Variants in NRDE2 observed in about 807,000 individuals in gnomAD.
NRDE2 encodes the protein NRDE-2, necessary for RNA interference, domain containing.
A neutral mutation model predicts 124.2 loss-of-function variants in NRDE2; 76 were observed. The observed-to-expected ratio is 0.61, with a 90% CI of 0.51 to 0.74. The LOEUF (loss-of-function observed/expected upper bound fraction) is 0.74. Ranked by LOEUF, NRDE2 falls within the 30% of genes least tolerant of loss-of-function variation. NRDE2 has a pLI of 0.00. For missense variants in NRDE2, 1,314 were observed against 1,417.3 expected (o/e 0.93, Z 1.17); for synonymous variants, 489 against 528.1 (o/e 0.93, Z 1.01).
chr14:90,293,002 AG>A lies in NRDE2; in HGVS notation c.1667-131del, dbSNP rs1240272407. 4.2e-5 allele frequency: 33 copies of A among 782,462 alleles called. No homozygotes were observed. The African/African-American group carries it at 4.8e-4, about 11-fold the overall frequency. The allele number at this position is 782,462 out of a possible 1,614,324, so 48.5% of individuals were successfully genotyped here. A position where few individuals can be genotyped will look rare whatever the true frequency, so the allele number is the denominator to read the frequency against. The stretch of plus-strand genomic sequence containing the variant: ...TGTGTAAGAGCCATGCCAGTCTCCC[AG>A]GATACTCAGTGGCATTTAGGAACTC... On this transcript the variant is annotated intron_variant, in intron 8 of 13. Transcript: ENST00000354366.
In NRDE2 at chr14:90,290,581, A is replaced by C; in HGVS notation, c.1869T>G (p.Ser623=). 1 of 1,611,718 alleles carries C rather than the reference A, an allele frequency of 6.2e-7. No homozygotes were observed. The highest frequency in any genetic ancestry group is 8.5e-7 in the Non-Finnish European group (1 of 1,178,748). The change falls in exon 10 of 14, where the codon TCT becomes TCG. Residue 623 remains serine, a synonymous_variant. Coordinates refer to ENST00000354366, the MANE Select transcript of NRDE2 (RefSeq NM_017970.4). ...RQVLFDDIGQ[S]LIRLSSHDLQ... ...GATCATGGCTGGAAAGTCTGATCAAAGATTGCCCAATATCATCAAACAACA... is the reference window on the plus strand; with the variant it reads ...GATCATGGCTGGAAAGTCTGATCAACGATTGCCCAATATCATCAAACAACA...
intron 3 of NRDE2, among the ~76,000 whole-genome samples, chr14:90,314,987 G>A (rs1884985647): frequency 6.6e-6 from 1 of 151,638 alleles, no homozygotes; most frequent in South Asian, 2.1e-4. Context: ...GACCAGCCTG[G>A]CCAACATGGA....
At chr14:90,314,951 C>T (rs1356240348) in intron 3 of NRDE2, among the ~76,000 whole-genome samples, 1 of 151,702 alleles carries the variant, frequency 6.6e-6, no homozygotes, top group African/African-American at 2.4e-5. Flanking sequence ...GGGTGGATTA[C>T]CTGAGGTCAG....
Position 90,307,768 on chromosome 14 carries a change from G to C in NRDE2, c.558-3386C>G, listed in dbSNP as rs149867497. Reference sequence around the variant, plus strand: ...GCACCCAACTACAGAAAAATTTGTAGGGTTTCCCTCTGTTACCCAGGATGC... The same window carrying C: ...GCACCCAACTACAGAAAAATTTGTACGGTTTCCCTCTGTTACCCAGGATGC... On this transcript the variant is annotated intron_variant, in intron 4 of 13. Transcript: ENST00000354366. Among the ~76,000 whole-genome samples, 705 of 152,302 alleles carry C rather than the reference G, an allele frequency of 4.6e-3. 3 individuals carry two copies. The highest frequency in any genetic ancestry group is 5.8e-3 in the Admixed American group (88 of 15,300).
intron 11 of NRDE2, 108 bp downstream of exon 11, chr14:90,288,109 C>T (rs1566684684): frequency 5.9e-6 from 6 of 1,011,456 alleles, no homozygotes; most frequent in Admixed American, 2.4e-5. Flanking sequence ...GTTCTGGGCA[C>T]CGTGCCATGT....
rs922694442 is a variant in NRDE2 at position 90,272,961 on chromosome 14, G to A, written c.*5375C>T. The A allele has an allele frequency of 1.3e-5, 2 of 152,198 alleles. No individual in the cohort carries two copies. The highest frequency in any genetic ancestry group is 6.5e-5 in the Admixed American group (1 of 15,286). The allele number at this position is 152,198 out of a possible 1,614,324, so 9.4% of individuals were successfully genotyped here. ...CTCTGAGGGCAGAAAATAACTACTG[G>A]TGTTCCCAAGAGACTGAGGATTCCT... On this transcript the variant is annotated 3_prime_UTR_variant, in exon 14 of 14. Transcript: ENST00000354366. The surrounding 1 kb of genome is among the most constrained non-coding windows in gnomAD (Gnocchi z 4.5).
In NRDE2 at chr14:90,298,306, C is replaced by G. The variant is rs75672471; in HGVS notation, c.1620G>C (p.Ala540=). 2,237 of 1,613,710 alleles carry G rather than the reference C, an allele frequency of 1.4e-3. 39 individuals carry two copies. The African/African-American group carries it at 0.027, about 19-fold the overall frequency. ...AGEKGARGWK[A]WMHQQERGGW... ...CACCTCGTTCCTGCTGGTGCATCCA[C>G]GCCTTCCAGCCTCGGGCTCCCTTCT... Residue 540 remains alanine (A), a synonymous_variant, in exon 8 of 14, where the codon GCG becomes GCC. Transcript: ENST00000354366.
At chr14:90,322,431 C>T (rs1400940646) in intron 1 of NRDE2, among the ~76,000 whole-genome samples, 3 of 152,072 alleles carry the variant, frequency 2.0e-5, no homozygotes, top group Non-Finnish European at 4.4e-5. Flanking sequence ...AGCAAATGGA[C>T]TCAATAAATA....
intron 1 of NRDE2, among the ~76,000 whole-genome samples, chr14:90,326,487 C>T (rs1450086098): frequency 1.6e-5 from 2 of 127,538 alleles, no homozygotes; most frequent in Admixed American, 9.8e-5. Context: ...GGCGACAGAG[C>T]GAGACTCTGT....
Position 90,270,017 on chromosome 14 carries a change from T to C in NRDE2, c.*8319A>G. 1.6e-6 allele frequency: 1 copy of C among 616,318 alleles called. No homozygotes were observed. The highest frequency in any genetic ancestry group is 2.7e-6 in the Non-Finnish European group (1 of 369,028). 38.2% of individuals were successfully genotyped at this position (616,318 alleles called of 1,614,324 possible). A position where few individuals can be genotyped will look rare whatever the true frequency, so the allele number is the denominator to read the frequency against. The stretch of plus-strand genomic sequence containing the variant: ...AGAGTTTCTTTTAAATGAAGAGAAT[T>C]CAAATGTAGAAATCTACAAACTACA... On this transcript the variant is annotated 3_prime_UTR_variant, in exon 14 of 14. Transcript: ENST00000354366.
intron 10 of NRDE2, among the ~76,000 whole-genome samples, chr14:90,289,865 G>C (rs1053463552): frequency 6.6e-6 from 1 of 152,222 alleles, no homozygotes; most frequent in Non-Finnish European, 1.5e-5. Flanking sequence ...TGGGATTACA[G>C]GCGTGAGCCA....
chr14:90,301,395 G>T, intron 6 of NRDE2, 23 bp from the exon 7 acceptor site: 1 of 1,612,684 alleles, frequency 6.2e-7, no homozygotes, highest in Non-Finnish European at 8.5e-7. Context: ...GGGCAAAGGG[G>T]AAGAAGCCTG....
chr14:90,304,471 A>C (rs1884529922), intron 4 of NRDE2, 89 bp from the exon 5 acceptor site: 2 of 962,074 alleles, frequency 2.1e-6, no homozygotes, highest in Non-Finnish European at 3.0e-6. Context: ...AACTCTCGTT[A>C]TGCAGGTTCA....
rs762715068 is a variant in NRDE2 at position 90,269,619 on chromosome 14, G to C, written c.*8717C>G. 5 of 1,522,460 alleles carry C rather than the reference G, an allele frequency of 3.3e-6. No homozygotes were observed. Among genetic ancestry groups the C allele is most frequent in the Non-Finnish European group, 4.5e-6 (5 of 1,120,380 alleles). The allele number at this position is 1,522,460 out of a possible 1,614,324, so 94.3% of individuals were successfully genotyped here. Reference sequence around the variant, plus strand: ...ATTTGTGTTTAAGTGTGCTTTGGGAGGCCTATAAAATGATACATAAAAAAG... The same window carrying C: ...ATTTGTGTTTAAGTGTGCTTTGGGACGCCTATAAAATGATACATAAAAAAG... On this transcript the variant is annotated 3_prime_UTR_variant, in exon 14 of 14. Transcript: ENST00000354366.
At chr14:90,286,975 A>G (rs1352104775) in intron 11 of NRDE2, among the ~76,000 whole-genome samples, 1 of 130,508 alleles carries the variant, frequency 7.7e-6, no homozygotes, top group Non-Finnish European at 1.6e-5. Context: ...CGGAGGTTGC[A>G]GTGAGCTGAG....
chr14:90,292,923 G>A (rs747790768), intron 8 of NRDE2, 51 bp from the exon 9 acceptor site: 5 of 1,546,850 alleles, frequency 3.2e-6, no homozygotes, highest in Admixed American at 1.7e-5. Context: ...AACCACCATC[G>A]CCACTCAATC....
intron 7 of NRDE2, among the ~76,000 whole-genome samples, chr14:90,299,536 C>T (rs55664487): frequency 0.29 from 44,496 of 152,084 alleles, 6,543 homozygotes; most frequent in South Asian, 0.34. Context: ...CAATAACCTA[C>T]TCAGTGAAAG....
intron 11 of NRDE2, 61 bp downstream of exon 11, chr14:90,288,156 C>T: frequency 1.1e-5 from 17 of 1,498,464 alleles, no homozygotes; most frequent in Non-Finnish European, 1.5e-5. Context: ...AAGGTCAGGG[C>T]AACACAGCAA....
In NRDE2 at chr14:90,269,888, G is replaced by T. The variant is rs1381183286; in HGVS notation, c.*8448C>A. The T allele has an allele frequency of 5.3e-6, 2 of 376,042 alleles. No individual in the cohort carries two copies. Among genetic ancestry groups the T allele is most frequent in the African/African-American group, 4.1e-5 (2 of 48,290 alleles). 23.3% of individuals were successfully genotyped at this position (376,042 alleles called of 1,614,324 possible). On this transcript the variant is annotated 3_prime_UTR_variant, in exon 14 of 14. Transcript: ENST00000354366. ...CATTCAGGTAGCATCAGAAGAAACA[G>T]TGATTTGTTTGCTGTCTTTTGTAAT... is the stretch of plus-strand genomic sequence containing the variant.
Sources: allele counts gnomAD v4.1 joint callset (sites outside exome capture counted in the v4.1 genomes callset), GRCh38; gene constraint gnomAD v4.1.1; non-coding constraint Gnocchi (gnomAD v3.1); transcripts MANE v1.5; gene names NCBI Gene and HGNC (gene_info 2026-07-23, HGNC 2026-07-21).